Variants in ANXA8 observed in about 807,000 individuals in gnomAD.
ANXA8 encodes VAC-beta.
ANXA8 carries 9 observed loss-of-function variants against 26.8 expected under a neutral mutation model. The observed-to-expected ratio is 0.34, with a 90% CI of 0.20 to 0.59. The LOEUF is 0.59. Among genes scored for constraint, ANXA8 ranks in the 20% least tolerant of loss-of-function variants. ANXA8 has a pLI of 0.84. For missense variants in ANXA8, 83 were observed against 238.5 expected (o/e 0.35, Z 4.29); for synonymous variants, 39 against 94.8 (o/e 0.41, Z 3.42).
chr10:47,950,297 T>C, the ANXA8 span, among the ~76,000 whole-genome samples: 11 of 152,102 alleles, frequency 7.2e-5, no homozygotes, highest in South Asian at 6.3e-4. Context: ...CACTTATATT[T>C]ACAAATTGTC....
the ANXA8 span, among the ~76,000 whole-genome samples, chr10:47,652,130 G>C: frequency 6.6e-6 from 1 of 151,930 alleles, no homozygotes; most frequent in South Asian, 2.1e-4. Context: ...TGGTTTCTAG[G>C]AGATGGGGAG....
chr10:47,958,023 G>A, the ANXA8 span, among the ~76,000 whole-genome samples: 2 of 150,524 alleles, frequency 1.3e-5, no homozygotes, highest in East Asian at 2.0e-4. Flanking sequence ...TAAGGTTATA[G>A]TCACAGGATC....
chr10:47,693,024 C>T, the ANXA8 span, among the ~76,000 whole-genome samples: 6 of 151,712 alleles, frequency 4.0e-5, no homozygotes, highest in African/African-American at 1.2e-4. Context: ...TGTGAGCCAC[C>T]GTGCCTGGCC....
At chr10:47,733,215 TTCTTTCTCTTTCTTTCTC>T in the ANXA8 span, among the ~76,000 whole-genome samples, 133 of 95,024 alleles carry the variant, frequency 1.4e-3, 3 homozygotes, top group Admixed American at 3.8e-3. Context: ...CTTTCTTTCT[TTCTTTCTCTTTCTTTCTC>T]TCTTTCTTTC....
the ANXA8 span, among the ~76,000 whole-genome samples, chr10:47,685,710 G>A: frequency 3.4e-4 from 52 of 150,964 alleles, no homozygotes; most frequent in African/African-American, 1.1e-3. Context: ...GGCCCAAGGA[G>A]GAAGAGAGAG....
chr10:47,735,075 C>T, the ANXA8 span, among the ~76,000 whole-genome samples: 15 of 148,812 alleles, frequency 1.0e-4, no homozygotes, highest in East Asian at 1.4e-3. Flanking sequence ...TAAACAAAAA[C>T]GCATGTTCCT....
chr10:47,737,646 CT>C, the ANXA8 span, among the ~76,000 whole-genome samples: 4 of 150,534 alleles, frequency 2.7e-5, no homozygotes, highest in African/African-American at 9.8e-5. Flanking sequence ...CCCATCTGTT[CT>C]TTTTTATTCC....
chr10:47,674,052 T>C, the ANXA8 span, among the ~76,000 whole-genome samples: 1 of 151,722 alleles, frequency 6.6e-6, no homozygotes, highest in African/African-American at 2.4e-5. Flanking sequence ...TGTCATTCTA[T>C]TGATATCTGT....
chr10:47,624,161 G>A, the ANXA8 span, among the ~76,000 whole-genome samples: 1 of 97,132 alleles, frequency 1.0e-5, no homozygotes, highest in African/African-American at 4.2e-5. Flanking sequence ...AGAATGGCGT[G>A]AACCCAGGAG....
chr10:47,982,834 A>AT, the ANXA8 span, among the ~76,000 whole-genome samples: 138 of 67,512 alleles, frequency 2.0e-3, no homozygotes, highest in African/African-American at 4.1e-3. Context: ...ATATATATAT[A>AT]AAATTTGATA....
chr10:47,489,251 C>T, the ANXA8 span, among the ~76,000 whole-genome samples: 1 of 142,308 alleles, frequency 7.0e-6, no homozygotes, highest in Non-Finnish European at 1.5e-5. Flanking sequence ...ATCTCCTGAC[C>T]TCATGATCCG....
At chr10:47,649,822 T>C in the ANXA8 span, among the ~76,000 whole-genome samples, 2 of 140,368 alleles carry the variant, frequency 1.4e-5, no homozygotes, top group Non-Finnish European at 3.1e-5. Flanking sequence ...TCAACCTCTC[T>C]AGACTCGAGC....
the ANXA8 span, among the ~76,000 whole-genome samples, chr10:47,563,988 C>A: frequency 4.8e-5 from 7 of 144,838 alleles, no homozygotes; most frequent in South Asian, 4.6e-4. Context: ...AAGCTATTAT[C>A]TTTTTAAAGT....
the ANXA8 span, among the ~76,000 whole-genome samples, chr10:47,663,390 ATTTT>A: frequency 8.3e-6 from 1 of 120,958 alleles, no homozygotes; most frequent in Non-Finnish European, 1.7e-5. Context: ...GTTAAAAAAA[ATTTT>A]TTTTTTTTTT....
chr10:47,970,292 A>AC, the ANXA8 span: 1 of 151,376 alleles, frequency 6.6e-6, no homozygotes, highest in Non-Finnish European at 1.5e-5. Context: ...CACTGGGGCC[A>AC]CCCCAGGCCT....
chr10:47,957,256 A>G, the ANXA8 span, among the ~76,000 whole-genome samples: 4 of 150,386 alleles, frequency 2.7e-5, no homozygotes, highest in South Asian at 2.1e-4. Context: ...GGACCAACAC[A>G]CACGTCAGTT....
chr10:47,663,557 T>C, the ANXA8 span, among the ~76,000 whole-genome samples: 1 of 128,432 alleles, frequency 7.8e-6, no homozygotes, highest in Middle Eastern at 3.5e-3. Flanking sequence ...AGCTTGTTTT[T>C]TATTTTTTGT....
At chr10:47,559,500 T>G in the ANXA8 span, among the ~76,000 whole-genome samples, 4 of 151,872 alleles carry the variant, frequency 2.6e-5, no homozygotes, top group African/African-American at 9.7e-5. Flanking sequence ...TTTTTGATAG[T>G]TATCTTTGGT....
intron 11 of ANXA8, among the ~76,000 whole-genome samples, chr10:47,469,321 G>A (rs1839235197): frequency 6.6e-6 from 1 of 151,906 alleles, no homozygotes. Context: ...ACACACCTGG[G>A]GGCAGGGCCG....
Sources: gnomAD v4.1 joint callset for allele counts (sites outside exome capture counted in the v4.1 genomes callset) on GRCh38, gnomAD v4.1.1 for gene constraint, MANE v1.5 for transcripts, NCBI Gene and HGNC (gene_info 2026-07-23, HGNC 2026-07-21) for gene names.